Variants in KCNG3 observed in about 807,000 individuals in gnomAD.
KCNG3 encodes potassium voltage-gated channel modifier subfamily G member 3.
KCNG3 carries 15 observed loss-of-function variants against 29.0 expected under a neutral mutation model. That is an observed-to-expected ratio of 0.52 (90% confidence interval 0.35 to 0.80). The LOEUF is 0.80. Among genes scored for constraint, KCNG3 ranks in the 30% least tolerant of loss-of-function variants. The probability of loss-of-function intolerance (pLI) is 0.01; values close to 1 mark genes in which losing one functional copy is unlikely to be tolerated. For synonymous variants in KCNG3, 322 were observed against 248.9 expected (o/e 1.29, Z -2.76); for missense variants, 512 against 605.7 (o/e 0.85, Z 1.62).
chr2:42,444,216 A>C lies in KCNG3; in HGVS notation c.1029T>G (p.Leu343=), dbSNP rs1430804704. Residue 343 remains leucine (L), a synonymous_variant, in exon 2 of 2, where the codon CTT becomes CTG. Transcript: ENST00000306078. This position sits in a 1 kb window ranked among gnomAD's most constrained non-coding sequence, Gnocchi z 5.8. ...TTTCCAGGTCCAGCCCATGTTCAAGAAGCTGAGAAAGTGCACTAAAGATTG... is the reference window on the plus strand; with the variant it reads ...TTTCCAGGTCCAGCCCATGTTCAAGCAGCTGAGAAAGTGCACTAAAGATTG... ...AMAIFSALSQ[L]LEHGLDLETS... The C allele has an allele frequency of 1.2e-6, 2 of 1,614,070 alleles. No individual in the cohort carries two copies. The highest frequency in any genetic ancestry group is 1.7e-6 in the Non-Finnish European group (2 of 1,180,048).
chr2:42,445,965 G>C (rs1558373450), intron 1 of KCNG3, among the ~76,000 whole-genome samples: 1 of 151,860 alleles, frequency 6.6e-6, no homozygotes, highest in Non-Finnish European at 1.5e-5. Context: ...TACGTCAGTT[G>C]TTCTGCCCAC....
At chr2:42,435,796 G>C in the KCNG3 span, among the ~76,000 whole-genome samples, 2 of 152,178 alleles carry the variant, frequency 1.3e-5, no homozygotes, top group African/African-American at 4.8e-5. Context: ...TTGCTGGTGG[G>C]AATCAAATTG....
At chr2:42,439,885 C>G (rs1672437473), downstream of KCNG3, among the ~76,000 whole-genome samples, 1 of 148,924 alleles carries the variant, frequency 6.7e-6, no homozygotes, top group Non-Finnish European at 1.5e-5. Context: ...TCAGGTGATC[C>G]ACCCGCCTCG....
chr2:42,393,285 G>T, the KCNG3 span, among the ~76,000 whole-genome samples: 13 of 151,302 alleles, frequency 8.6e-5, no homozygotes, highest in South Asian at 2.1e-3. Context: ...AAATGCCCAG[G>T]CACGGTGGTT....
intron 1 of KCNG3, among the ~76,000 whole-genome samples, chr2:42,472,074 G>A (rs1273706552): frequency 1.3e-5 from 2 of 152,020 alleles, no homozygotes; most frequent in Non-Finnish European, 2.9e-5. Flanking sequence ...TAGCAACATC[G>A]AGGAGAGATG....
chr2:42,472,624 C>A (rs151163010), intron 1 of KCNG3, among the ~76,000 whole-genome samples: 17 of 151,324 alleles, frequency 1.1e-4, no homozygotes, highest in African/African-American at 4.1e-4. Context: ...TCAGCCTCCC[C>A]AGTAGCTGGG....
At position 42,475,399 on chromosome 2, in the gene KCNG3, G is replaced by A. The variant is rs746167296; in HGVS notation, c.665+17438C>T. Among the ~76,000 whole-genome samples the A allele has an allele frequency of 2.0e-5, 3 of 149,996 alleles. No individual in the cohort carries two copies. The Admixed American group carries it at 2.0e-4, about 10-fold the overall frequency. ...GGAGGAGTACAGTGGTGCGATCTTG[G>A]CTCACTGCAACCTCTTTCTCCCAGG... On this transcript the variant is annotated intron_variant, in intron 1 of 1. Transcript: ENST00000306078.
intron 1 of KCNG3, among the ~76,000 whole-genome samples, chr2:42,455,415 C>G (rs140188512): frequency 6.6e-6 from 1 of 152,328 alleles, no homozygotes; most frequent in African/African-American, 2.4e-5. Flanking sequence ...TAACACCAAA[C>G]AGAACCTGAT....
intron 1 of KCNG3, among the ~76,000 whole-genome samples, chr2:42,465,221 CTTTT>C (rs112588454): frequency 6.9e-6 from 1 of 144,162 alleles, no homozygotes; most frequent in Non-Finnish European, 1.5e-5. Flanking sequence ...TTCTTTCTTT[CTTTT>C]TTTTTTTTTG....
chr2:42,406,464 C>T, the KCNG3 span, among the ~76,000 whole-genome samples: 1 of 151,320 alleles, frequency 6.6e-6, no homozygotes, highest in East Asian at 2.0e-4. Context: ...GGTGATCCAC[C>T]CACCTCGGCC....
intron 1 of KCNG3, among the ~76,000 whole-genome samples, chr2:42,460,018 T>A (rs1247681753): frequency 6.7e-6 from 1 of 149,850 alleles, no homozygotes; most frequent in Non-Finnish European, 1.5e-5. Context: ...GGAAACCAGA[T>A]GAAGGGTAAA....
At chr2:42,420,914 T>C in the KCNG3 span, among the ~76,000 whole-genome samples, 3 of 152,194 alleles carry the variant, frequency 2.0e-5, no homozygotes, top group Non-Finnish European at 4.4e-5. Flanking sequence ...AATTGACCAA[T>C]TTCTTCAATC....
intron 1 of KCNG3, among the ~76,000 whole-genome samples, chr2:42,466,753 C>CCTTTTTTTT (rs1553329191): frequency 7.4e-6 from 1 of 134,270 alleles, no homozygotes. Flanking sequence ...AATACTCTTC[C>CCTTTTTTTT]TTTTTTTTTT....
chr2:42,492,542 A>G (rs770966867), intron 1 of KCNG3, among the ~76,000 whole-genome samples: 1 of 152,396 alleles, frequency 6.6e-6, no homozygotes, highest in Non-Finnish European at 1.5e-5. Flanking sequence ...TCTCTGCGCA[A>G]AAGTAAACTA....
chr2:42,477,388 T>TACACACACACACACACACACAC (rs1210808896), intron 1 of KCNG3, among the ~76,000 whole-genome samples: 1 of 104,768 alleles, frequency 9.5e-6, no homozygotes, highest in African/African-American at 4.0e-5. Context: ...CACATATATA[T>TACACACACACACACACACACAC]ACACACACAC....
chr2:42,489,526 TAAG>T (rs898890637), intron 1 of KCNG3, among the ~76,000 whole-genome samples: 11 of 152,316 alleles, frequency 7.2e-5, no homozygotes, highest in South Asian at 4.1e-4. Flanking sequence ...ACCATCACGC[TAAG>T]AAGGATATCA....
At chr2:42,431,552 T>C in the KCNG3 span, among the ~76,000 whole-genome samples, 1 of 152,062 alleles carries the variant, frequency 6.6e-6, no homozygotes, top group Non-Finnish European at 1.5e-5. Flanking sequence ...ATATTACTCA[T>C]GAGAAAATGC....
In KCNG3 at chr2:42,444,566, T is replaced by C. The variant is rs765908595; in HGVS notation, c.679A>G (p.Ile227Val). The change falls in exon 2 of 2, where the codon ATC (isoleucine) becomes GTC (valine). Residue 227 changes from isoleucine (I) to valine (V), a missense_variant. Physicochemically the swap from Ile to Val is conservative, Grantham distance 29. This residue lies in a region of KCNG3 where 173 missense variants were observed against 262.4 expected (regional missense o/e 0.66). Coordinates refer to ENST00000306078, the MANE Select transcript of KCNG3 (RefSeq NM_133329.6). The surrounding 1 kb of genome is among the most constrained non-coding windows in gnomAD (Gnocchi z 5.8). ...TCGGCAGTGAACCAACCTATGCAGA[T>C]AGCTTCAATTATCCTGTCAAGAGAA... ...GREPSGIIEA[I>V]CIGWFTAECI... 23 of 1,606,360 alleles carry C rather than the reference T, an allele frequency of 1.4e-5. No homozygotes were observed. The South Asian group carries it at 2.5e-4, about 17-fold the overall frequency.
At chr2:42,430,654 G>A in the KCNG3 span, among the ~76,000 whole-genome samples, 9 of 152,084 alleles carry the variant, frequency 5.9e-5, no homozygotes, top group Admixed American at 5.9e-4. Context: ...GGGAAGCTGA[G>A]GTGGGAGTGG....
Sources: gnomAD v4.1 joint callset for allele counts (sites outside exome capture counted in the v4.1 genomes callset) on GRCh38, gnomAD v4.1.1 for gene constraint, gnomAD v4.1.1 regional missense constraint, Gnocchi (gnomAD v3.1) non-coding constraint, MANE v1.5 for transcripts, NCBI Gene and HGNC (gene_info 2026-07-23, HGNC 2026-07-21) for gene names.